The following CCDC191 variants were observed in gnomAD, a reference collection of about 807,000 sequenced individuals.
CCDC191 encodes coiled-coil domain-containing protein 191.
In CCDC191, 99 loss-of-function variants were observed where a neutral mutation model predicts 114.0. The observed-to-expected ratio is 0.87, with a 90% CI of 0.74 to 1.03. The LOEUF is 1.03. Among genes scored for constraint, CCDC191 ranks in the 50% least tolerant of loss-of-function variants. The pLI is 0.00. For missense variants in CCDC191, 973 were observed against 1,087.0 expected (o/e 0.90, Z 1.47); for synonymous variants, 351 against 376.0 (o/e 0.93, Z 0.77).
At chr3:113,973,609 CTTTTT>C (rs57961719) in intron 16 of CCDC191, among the ~76,000 whole-genome samples, 1 of 131,326 alleles carries the variant, frequency 7.6e-6, no homozygotes, top group Non-Finnish European at 1.7e-5. Context: ...TTTTTTTTTT[CTTTTT>C]TCTTTCAGCA....
At position 114,018,906 on chromosome 3, in the gene CCDC191, C is replaced by T. The variant is rs1387208693; in HGVS notation, c.973-38G>A. 2.6e-5 allele frequency: 41 copies of T among 1,584,170 alleles called. No individual in the cohort carries two copies. The East Asian group carries it at 6.5e-4, about 25-fold the overall frequency. On this transcript the variant is annotated intron_variant, in intron 7 of 16. Coordinates refer to ENST00000295878, the MANE Select transcript of CCDC191 (RefSeq NM_020817.2). ...TATTAGGAAAATCACCACCCATCAGCGCTAGTGTTTCTAATATCTAACACT... is the reference window on the plus strand; with the variant it reads ...TATTAGGAAAATCACCACCCATCAGTGCTAGTGTTTCTAATATCTAACACT...
chr3:113,973,246 A>G (rs1311807232), intron 16 of CCDC191, among the ~76,000 whole-genome samples: 1 of 151,884 alleles, frequency 6.6e-6, no homozygotes, highest in Non-Finnish European at 1.5e-5. Flanking sequence ...TTTAGTTTCC[A>G]TGTTTTATAT....
chr3:114,004,842 T>A (rs2075921725), intron 10 of CCDC191, 96 bp from the exon 11 acceptor site: 1 of 1,278,738 alleles, frequency 7.8e-7, no homozygotes, highest in African/African-American at 1.5e-5. Flanking sequence ...CAGACCTTAA[T>A]GAATCCCTAC....
intron 2 of CCDC191, among the ~76,000 whole-genome samples, chr3:114,049,589 T>C (rs554574257): frequency 1.7e-4 from 26 of 151,706 alleles, no homozygotes; most frequent in Non-Finnish European, 3.1e-4. Flanking sequence ...CAGAGGAGGG[T>C]AGAGAGGTTG....
At chr3:114,011,185 G>A (rs1415772045) in intron 8 of CCDC191, among the ~76,000 whole-genome samples, 164 bp from the exon 9 acceptor site, 1 of 152,180 alleles carries the variant, frequency 6.6e-6, no homozygotes, top group Non-Finnish European at 1.5e-5. Flanking sequence ...AAATTCCCCA[G>A]TGCAAAGGAT....
chr3:114,038,649 G>A (rs1311809937), intron 4 of CCDC191, among the ~76,000 whole-genome samples: 1 of 152,096 alleles, frequency 6.6e-6, no homozygotes, highest in African/African-American at 2.4e-5. Context: ...TAATGGTATA[G>A]CTGGGCCAAA....
chr3:113,989,985 T>G (rs2075502999), intron 13 of CCDC191, among the ~76,000 whole-genome samples: 1 of 152,128 alleles, frequency 6.6e-6, no homozygotes, highest in African/African-American at 2.4e-5. Flanking sequence ...AGGCCCTGTC[T>G]CTAAAGAAAG....
chr3:114,051,729 C>A (rs975694463), intron 2 of CCDC191, among the ~76,000 whole-genome samples: 6 of 152,178 alleles, frequency 3.9e-5, no homozygotes, highest in Non-Finnish European at 8.8e-5. Flanking sequence ...AAAGAGGTCT[C>A]AGCTGATTTT....
chr3:114,001,280 A>G (rs778759878), intron 13 of CCDC191, among the ~76,000 whole-genome samples: 5 of 152,164 alleles, frequency 3.3e-5, no homozygotes, highest in Non-Finnish European at 5.9e-5. Context: ...CAGCCATAAA[A>G]CAAATGCACA....
chr3:113,992,208 A>G (rs1324483673), intron 13 of CCDC191, among the ~76,000 whole-genome samples: 2 of 152,152 alleles, frequency 1.3e-5, no homozygotes, highest in African/African-American at 4.8e-5. Flanking sequence ...CCCTCCCCCA[A>G]GGCAGCATAG....
chr3:113,979,943 A>G (rs2075082076), intron 14 of CCDC191, among the ~76,000 whole-genome samples: 1 of 152,244 alleles, frequency 6.6e-6, no homozygotes, highest in Non-Finnish European at 1.5e-5. Flanking sequence ...ATCTCTCTGC[A>G]GTAGAGTGAA....
At chr3:114,045,084 C>T (rs1318067882) in intron 3 of CCDC191, among the ~76,000 whole-genome samples, 1 of 152,126 alleles carries the variant, frequency 6.6e-6, no homozygotes, top group Non-Finnish European at 1.5e-5. Flanking sequence ...ATGGTCTAGG[C>T]AGCATGGGAA....
intron 16 of CCDC191, among the ~76,000 whole-genome samples, chr3:113,972,098 T>A (rs1446260574): frequency 6.6e-6 from 1 of 152,098 alleles, no homozygotes; most frequent in Non-Finnish European, 1.5e-5. Flanking sequence ...TTATATTATT[T>A]CCTTTCTTCT....
intron 7 of CCDC191, among the ~76,000 whole-genome samples, chr3:114,026,662 A>G (rs1313291869): frequency 1.3e-5 from 2 of 152,236 alleles, no homozygotes; most frequent in South Asian, 2.1e-4. Flanking sequence ...ATTTAACTAC[A>G]GTTTTCGTCA....
chr3:114,004,495 T>C (rs1411111852), intron 11 of CCDC191, 142 bp downstream of exon 11: 13 of 1,439,792 alleles, frequency 9.0e-6, no homozygotes, highest in Middle Eastern at 1.9e-4. Context: ...ACTCCTCACA[T>C]GTCTACCATT....
chr3:114,002,406 C>T (rs1439430388), intron 12 of CCDC191, 50 bp downstream of exon 12: 1 of 1,331,282 alleles, frequency 7.5e-7, no homozygotes, highest in African/African-American at 1.5e-5. Flanking sequence ...TTAAGAAAGA[C>T]CTGGACAAAT....
chr3:113,992,851 T>A (rs1331703025), intron 13 of CCDC191, among the ~76,000 whole-genome samples: 1 of 152,058 alleles, frequency 6.6e-6, no homozygotes, highest in Non-Finnish European at 1.5e-5. Context: ...ACAAGGATAC[T>A]ACAAAAAAAA....
chr3:114,033,358 T>C (rs2076436355), intron 6 of CCDC191, among the ~76,000 whole-genome samples: 1 of 152,206 alleles, frequency 6.6e-6, no homozygotes, highest in Non-Finnish European at 1.5e-5. Flanking sequence ...AAGTCTGTTA[T>C]TATAAATAAT....
chr3:114,001,794 G>T, intron 12 of CCDC191, 98 bp from the exon 13 acceptor site: 1 of 1,430,524 alleles, frequency 7.0e-7, no homozygotes, highest in Non-Finnish European at 9.5e-7. Flanking sequence ...CAAAGTGCCT[G>T]TCCTATCTCT....
Sources: gnomAD v4.1 joint callset for allele counts (sites outside exome capture counted in the v4.1 genomes callset) on GRCh38, gnomAD v4.1.1 for gene constraint, MANE v1.5 for transcripts, NCBI Gene and HGNC (gene_info 2026-07-23, HGNC 2026-07-21) for gene names.